Variants in OCA2 observed in about 807,000 individuals in gnomAD.
The protein encoded by OCA2 is P protein.
Under a neutral mutation model 100.2 loss-of-function variants are expected in OCA2, and 77 were observed. The observed-to-expected ratio is 0.77, with a 90% CI of 0.64 to 0.93. The LOEUF is 0.93. Among genes scored for constraint, OCA2 ranks in the 40% least tolerant of loss-of-function variants. The probability of loss-of-function intolerance (pLI) is 0.00; values close to 1 mark genes in which losing one functional copy is unlikely to be tolerated. For missense variants in OCA2, 1,062 were observed against 1,089.1 expected, an observed-to-expected ratio of 0.98 and a Z score of 0.35; for synonymous variants, 432 against 439.2, an observed-to-expected ratio of 0.98 and a Z score of 0.21.
chr15:27,747,428 G>C, the OCA2 span, among the ~76,000 whole-genome samples: 2 of 152,328 alleles, frequency 1.3e-5, no homozygotes, highest in African/African-American at 4.8e-5. Context: ...CCAGTTCTGG[G>C]CATGTTCAGC....
chr15:28,055,288 C>G (rs775588726), intron 2 of OCA2, among the ~76,000 whole-genome samples: 1 of 152,178 alleles, frequency 6.6e-6, no homozygotes, highest in Admixed American at 6.5e-5. Context: ...TCTCGTCTTT[C>G]GTGTTTCTCT....
the OCA2 span, among the ~76,000 whole-genome samples, chr15:27,733,081 G>C: frequency 6.6e-6 from 1 of 152,144 alleles, no homozygotes; most frequent in Non-Finnish European, 1.5e-5. Context: ...CTCATGAAAG[G>C]CTGGTCACGA....
At chr15:27,817,838 C>T (rs2034362561) in intron 23 of OCA2, among the ~76,000 whole-genome samples, 1 of 152,130 alleles carries the variant, frequency 6.6e-6, no homozygotes, top group South Asian at 2.1e-4. Context: ...AGGGCCCACG[C>T]TTTTACATAC....
intron 9 of OCA2, among the ~76,000 whole-genome samples, chr15:28,005,357 A>C (rs1165150381): frequency 6.6e-6 from 1 of 152,088 alleles, no homozygotes; most frequent in Non-Finnish European, 1.5e-5. Flanking sequence ...CCGGAGCACA[A>C]CACCTCCTTC....
intron 8 of OCA2, among the ~76,000 whole-genome samples, chr15:28,015,408 TCC>T (rs1421425065): frequency 6.6e-6 from 1 of 152,176 alleles, no homozygotes; most frequent in Non-Finnish European, 1.5e-5. Context: ...CCGAATTATG[TCC>T]CCTTCCTCCA....
chr15:27,802,433 G>T (rs999783261), intron 23 of OCA2, among the ~76,000 whole-genome samples: 2 of 152,066 alleles, frequency 1.3e-5, no homozygotes, highest in Non-Finnish European at 2.9e-5. Flanking sequence ...CAAGCTATTT[G>T]TACAGGTTGA....
chr15:27,971,468 G>A (rs889831315), intron 14 of OCA2, among the ~76,000 whole-genome samples: 2 of 152,276 alleles, frequency 1.3e-5, no homozygotes, highest in South Asian at 4.2e-4. Flanking sequence ...GGAGCTGAAG[G>A]TGCAGTGGGT....
rs201095055 is a variant in OCA2 at position 27,966,823 on chromosome 15, C to G, written c.1504-1G>C. On this transcript the variant is annotated splice_acceptor_variant, in intron 14 of 23. Transcript: ENST00000354638. LOFTEE classifies it high-confidence loss of function. Reference sequence around the variant, plus strand: ...CAGTGAATCCGGCAAAGTCCAGGCCCTGGAAATAAACAAGGGGAAATGAAA... The same window carrying G: ...CAGTGAATCCGGCAAAGTCCAGGCCGTGGAAATAAACAAGGGGAAATGAAA... 6.2e-7 allele frequency: 1 copy of G among 1,609,406 alleles called. No homozygotes were observed. The highest frequency in any genetic ancestry group is 2.2e-5 in the East Asian group (1 of 44,798).
chr15:27,921,353 C>CAAAACTGTATTTTA (rs200733402), intron 19 of OCA2, among the ~76,000 whole-genome samples: 6,410 of 151,908 alleles, frequency 0.042, 188 homozygotes, highest in Non-Finnish European at 0.063. Flanking sequence ...ATAAGTGAAA[C>CAAAACTGTATTTTA]AAAACTGTAT....
intron 23 of OCA2, among the ~76,000 whole-genome samples, chr15:27,808,653 G>A (rs1595446221): frequency 6.6e-6 from 1 of 152,276 alleles, no homozygotes; most frequent in East Asian, 1.9e-4. Flanking sequence ...TGACAGAAAA[G>A]GGGAGGGCAG....
chr15:28,087,673 G>C (rs999752372), intron 1 of OCA2, among the ~76,000 whole-genome samples: 1 of 152,200 alleles, frequency 6.6e-6, no homozygotes, highest in Non-Finnish European at 1.5e-5. Context: ...CCTGAGCCAG[G>C]AAAGTCGAGG....
intron 9 of OCA2, among the ~76,000 whole-genome samples, chr15:28,005,501 C>G (rs2042065446): frequency 6.6e-6 from 1 of 152,162 alleles, no homozygotes; most frequent in African/African-American, 2.4e-5. Context: ...TCTGCAGGCT[C>G]TAGAGGAGAA....
intron 14 of OCA2, among the ~76,000 whole-genome samples, chr15:27,969,472 C>T (rs530336073): frequency 1.3e-5 from 2 of 152,312 alleles, no homozygotes; most frequent in Admixed American, 6.5e-5. Flanking sequence ...TTTTACATGC[C>T]TCTGTAATTT....
chr15:27,787,115 T>A (rs2032852253), intron 23 of OCA2, among the ~76,000 whole-genome samples: 1 of 152,172 alleles, frequency 6.6e-6, no homozygotes, highest in South Asian at 2.1e-4. Context: ...TTAAAGCAAA[T>A]CTTGCATTAC....
intron 1 of OCA2, among the ~76,000 whole-genome samples, chr15:28,097,600 T>C (rs2045009995): frequency 6.6e-6 from 1 of 152,126 alleles, no homozygotes; most frequent in Admixed American, 6.5e-5. Flanking sequence ...CCAAGAAACC[T>C]CATCCTCACC....
chr15:27,861,327 G>C (rs1366619224), intron 21 of OCA2, among the ~76,000 whole-genome samples: 1 of 152,188 alleles, frequency 6.6e-6, no homozygotes, highest in Non-Finnish European at 1.5e-5. Context: ...CGTTAAGTCT[G>C]TAACACCTGC....
At chr15:27,895,806 G>A (rs372242762) in intron 19 of OCA2, 2 of 442,418 alleles carry the variant, frequency 4.5e-6, no homozygotes, top group Admixed American at 5.6e-5. Flanking sequence ...GCTTGGAAAT[G>A]CTTGGTGATA....
chr15:28,079,617 T>C (rs1167436071), intron 2 of OCA2, among the ~76,000 whole-genome samples: 1 of 152,102 alleles, frequency 6.6e-6, no homozygotes, highest in Non-Finnish European at 1.5e-5. Flanking sequence ...GAGGCTGCGG[T>C]TCCCTGTTGC....
At chr15:27,862,474 G>A (rs2036172592) in intron 21 of OCA2, among the ~76,000 whole-genome samples, 1 of 128,152 alleles carries the variant, frequency 7.8e-6, no homozygotes, top group Non-Finnish European at 1.6e-5. Flanking sequence ...GACCTCCTCA[G>A]ACATTTTTTT....
Sources: allele counts gnomAD v4.1 joint callset (sites outside exome capture counted in the v4.1 genomes callset), GRCh38; gene constraint gnomAD v4.1.1; transcripts MANE v1.5; gene names NCBI Gene and HGNC (gene_info 2026-07-23, HGNC 2026-07-21).